NSD2: variants seen among roughly 807,000 people sequenced by gnomAD.
The protein encoded by NSD2 is histone-lysine N-methyltransferase NSD2.
NSD2 carries 12 observed loss-of-function variants against 139.0 expected under a neutral mutation model. That is an observed-to-expected ratio of 0.09 (90% CI 0.06 to 0.14). The LOEUF is 0.14. NSD2 is among the 10% of genes least tolerant of loss of function. The pLI, the probability that NSD2 is intolerant of heterozygous loss-of-function variation, is 1.00. For synonymous variants in NSD2, 669 were observed against 648.7 expected, an observed-to-expected ratio of 1.03 and a Z score of -0.48; for missense variants, 1,155 against 1,745.0, an observed-to-expected ratio of 0.66 and a Z score of 6.02.
rs369437427 is a variant in NSD2, at chr4:1,894,044, C to T, written c.-29-6582C>T. 2.0e-5 allele frequency: 3 copies of T among 152,234 alleles called. No homozygotes were observed. The East Asian group carries it at 5.8e-4, about 29-fold the overall frequency. The allele number at this position is 152,234 out of a possible 1,614,324, so 9.4% of individuals were successfully genotyped here. ...TTCTTAGGCTTAAGTGATCCTCCTC[C>T]CTCAGCCTCTGAAGAAGCTAGGAGT... On this transcript the variant is annotated intron_variant, in intron 1 of 21. Coordinates refer to ENST00000508803, the MANE Select transcript of NSD2 (RefSeq NM_001042424.3).
intron 8 of NSD2, 71 bp downstream of exon 8, chr4:1,938,603 G>A: frequency 8.0e-7 from 1 of 1,248,190 alleles, no homozygotes; most frequent in South Asian, 1.3e-5. Context: ...TGGGCTGAGA[G>A]TGTGAAAGGG....
At chr4:1,970,039 GAA>G (rs1171420547) in intron 18 of NSD2, among the ~76,000 whole-genome samples, 2 of 152,176 alleles carry the variant, frequency 1.3e-5, no homozygotes, top group Non-Finnish European at 2.9e-5. Context: ...GGGAAAGAGA[GAA>G]AGAAGGAATG....
intron 3 of NSD2, among the ~76,000 whole-genome samples, chr4:1,907,566 C>G (rs1442931191): frequency 1.3e-5 from 2 of 151,086 alleles, no homozygotes; most frequent in Non-Finnish European, 2.9e-5. Flanking sequence ...CACCTATCCC[C>G]TCATCTAGAT....
At chr4:1,924,392 A>G (rs368316611) in intron 5 of NSD2, among the ~76,000 whole-genome samples, 1 of 151,988 alleles carries the variant, frequency 6.6e-6, no homozygotes, top group Admixed American at 6.6e-5. Flanking sequence ...CCACTCTGGT[A>G]TGTTGCTCGG....
intron 20 of NSD2, 113 bp downstream of exon 20, chr4:1,975,513 C>T: frequency 1.1e-6 from 1 of 914,718 alleles, no homozygotes; most frequent in Non-Finnish European, 1.7e-6. Context: ...GTTGCCGGGA[C>T]AGGTGGGAGC....
intron 18 of NSD2, among the ~76,000 whole-genome samples, chr4:1,969,875 A>T (rs1213996203): frequency 6.6e-6 from 1 of 152,234 alleles, no homozygotes; most frequent in Admixed American, 6.5e-5. Flanking sequence ...GAGAGCTAGG[A>T]TTGGGAACTT....
intron 4 of NSD2, among the ~76,000 whole-genome samples, chr4:1,917,778 CTTTT>C (rs34000332): frequency 5.7e-5 from 7 of 122,664 alleles, no homozygotes; most frequent in Admixed American, 3.3e-4. Context: ...TAAAAGTATT[CTTTT>C]TTTTTTTTTT....
chr4:1,952,060 C>T (rs766672132), intron 10 of NSD2, 48 bp from the exon 11 acceptor site: 2 of 1,600,156 alleles, frequency 1.2e-6, no homozygotes, highest in South Asian at 1.1e-5. Flanking sequence ...GTAAGAGGTG[C>T]AGAAGGGACT....
At chr4:1,877,141 A>G (rs75774205) in intron 1 of NSD2, among the ~76,000 whole-genome samples, 9 of 136,062 alleles carry the variant, frequency 6.6e-5, no homozygotes, top group African/African-American at 3.1e-4. Flanking sequence ...TGTCTCAAGG[A>G]AAAAAAAAAA....
chr4:1,948,267 C>T lies in NSD2; in HGVS notation c.1882-2805C>T, dbSNP rs562568907. 2 of 1,065,354 alleles carry T rather than the reference C, an allele frequency of 1.9e-6. No homozygotes were observed. Among genetic ancestry groups the T allele is most frequent in the African/African-American group, 3.3e-5 (2 of 61,102 alleles). 66.0% of individuals were successfully genotyped at this position (1,065,354 alleles called of 1,614,324 possible). Reference sequence around the variant, plus strand: ...TGACAGAGTCTGTGTCCGCTCAGTCCCTGCACTTTTCCTTTCCAAATGCAT... The same window carrying T: ...TGACAGAGTCTGTGTCCGCTCAGTCTCTGCACTTTTCCTTTCCAAATGCAT... On this transcript the variant is annotated intron_variant, in intron 9 of 21. Coordinates refer to ENST00000508803, the MANE Select transcript of NSD2 (RefSeq NM_001042424.3). The surrounding 1 kb of genome is among the most constrained non-coding windows in gnomAD (Gnocchi z 4.5).
chr4:1,955,397 A>G lies in NSD2; in HGVS notation c.2518+57A>G. The G allele has an allele frequency of 6.4e-7, 1 of 1,551,244 alleles. No individual in the cohort carries two copies. Among genetic ancestry groups the G allele is most frequent in the Non-Finnish European group, 8.7e-7 (1 of 1,145,428 alleles). On this transcript the variant is annotated intron_variant, in intron 13 of 21. Coordinates refer to ENST00000508803, the MANE Select transcript of NSD2 (RefSeq NM_001042424.3). The surrounding 1 kb of genome is among the most constrained non-coding windows in gnomAD (Gnocchi z 4.7). Reference sequence around the variant, plus strand: ...CCTCTCACACTCCCAGGAGCCACATATCAAGGCAGGCTCATTCCTTGTCTG... The same window carrying G: ...CCTCTCACACTCCCAGGAGCCACATGTCAAGGCAGGCTCATTCCTTGTCTG...
chr4:1,939,875 A>T (rs1722904971), intron 9 of NSD2, 97 bp downstream of exon 9: 5 of 1,595,658 alleles, frequency 3.1e-6, no homozygotes, highest in Non-Finnish European at 4.3e-6. Context: ...TCATAAGCGC[A>T]GCATTGGTGC....
intron 5 of NSD2, among the ~76,000 whole-genome samples, chr4:1,929,900 C>G (rs1224652150): frequency 6.6e-6 from 1 of 152,032 alleles, no homozygotes; most frequent in African/African-American, 2.4e-5. Context: ...ATTTCAAACC[C>G]CCAGGTTATT....
At chr4:1,880,624 AAATC>A (rs1314651992) in intron 1 of NSD2, among the ~76,000 whole-genome samples, 2 of 152,134 alleles carry the variant, frequency 1.3e-5, no homozygotes, top group Non-Finnish European at 2.9e-5. Context: ...AAAAAAAAAA[AAATC>A]AAACCTGAGT....
At chr4:1,933,201 C>T (rs1395654106) in intron 6 of NSD2, among the ~76,000 whole-genome samples, 1 of 152,222 alleles carries the variant, frequency 6.6e-6, no homozygotes, top group Admixed American at 6.5e-5. Flanking sequence ...GCATTGGGCT[C>T]AGGCCTAGAC....
chr4:1,945,567 C>A (rs180898393), intron 9 of NSD2: 14 of 1,065,326 alleles, frequency 1.3e-5, no homozygotes, highest in Non-Finnish European at 1.4e-5. Context: ...AAGGCTCTTG[C>A]CAGAAGCCTG....
chr4:1,901,591 T>G (rs770543863), intron 2 of NSD2, among the ~76,000 whole-genome samples: 29 of 152,230 alleles, frequency 1.9e-4, no homozygotes, highest in Non-Finnish European at 4.3e-4. Flanking sequence ...GGCTACACTC[T>G]TTTCATGGAT....
Position 1,955,516 on chromosome 4 carries a change from A to C in NSD2, c.2518+176A>C. On this transcript the variant is annotated intron_variant, in intron 13 of 21. Transcript: ENST00000508803. This position sits in a 1 kb window ranked among gnomAD's most constrained non-coding sequence, Gnocchi z 4.7. ...AATTAATTGTAATCATTTCGCAAAC[A>C]TACAGGAAATTATTTGTGGTGAAAA... The C allele has an allele frequency of 8.1e-7, 1 of 1,228,134 alleles. No individual in the cohort carries two copies. Among genetic ancestry groups the C allele is most frequent in the South Asian group, 1.6e-5 (1 of 62,142 alleles). The allele number at this position is 1,228,134 out of a possible 1,614,324, so 76.1% of individuals were successfully genotyped here. A position where few individuals can be genotyped will look rare whatever the true frequency, so the allele number is the denominator to read the frequency against.
intron 6 of NSD2, 97 bp downstream of exon 6, chr4:1,930,867 C>G: frequency 1.4e-6 from 2 of 1,443,324 alleles, no homozygotes; most frequent in Non-Finnish European, 1.9e-6. Context: ...AGTGTGTCCA[C>G]TCTCCCTGTT....
Sources: gnomAD v4.1 joint callset for allele counts (sites outside exome capture counted in the v4.1 genomes callset) on GRCh38, gnomAD v4.1.1 for gene constraint, Gnocchi (gnomAD v3.1) non-coding constraint, MANE v1.5 for transcripts, NCBI Gene and HGNC (gene_info 2026-07-23, HGNC 2026-07-21) for gene names.